Variants in HTR1E observed in about 807,000 individuals in gnomAD.
HTR1E encodes the protein 5-hydroxytryptamine receptor 1E, also known as 5-HT-1E.
In HTR1E, 3 loss-of-function variants were observed where a neutral mutation model predicts 3.4. The observed-to-expected ratio is 0.89, with a 90% confidence interval of 0.41 to 2.31. The LOEUF (loss-of-function observed/expected upper bound fraction) is 2.31, where lower values mean the gene tolerates loss of function less well. Ranked by LOEUF, HTR1E falls within the 30% of genes most tolerant of loss-of-function variation. The pLI is 0.05. For missense variants in HTR1E, 392 were observed against 467.0 expected, an observed-to-expected ratio of 0.84 and a Z score of 1.48; for synonymous variants, 170 against 182.8, an observed-to-expected ratio of 0.93 and a Z score of 0.56.
intron 1 of HTR1E, among the ~76,000 whole-genome samples, chr6:87,011,312 G>A (rs377515660): frequency 6.6e-6 from 1 of 152,230 alleles, no homozygotes. Context: ...ATCTGGAAGT[G>A]TCTAGGAATG....
chr6:87,015,673 C>T lies in HTR1E; in HGVS notation c.339C>T (p.Leu113=). 6.2e-7 allele frequency: 1 copy of T among 1,614,192 alleles called. No homozygotes were observed. Among genetic ancestry groups the T allele is most frequent in the Non-Finnish European group, 8.5e-7 (1 of 1,180,028 alleles). ...MTCCTCSILH[L]CVIALDRYWA... ...GCTGCACCTGCTCCATCCTCCACCTCTGTGTCATTGCCCTGGACAGGTACT... is the reference window on the plus strand; with the variant it reads ...GCTGCACCTGCTCCATCCTCCACCTTTGTGTCATTGCCCTGGACAGGTACT... Residue 113 remains leucine (L), a synonymous_variant, in exon 2 of 2, where the codon CTC becomes CTT. Transcript: ENST00000305344.
intron 1 of HTR1E, among the ~76,000 whole-genome samples, chr6:86,989,664 T>C (rs1211483464): frequency 6.6e-6 from 1 of 152,196 alleles, no homozygotes; most frequent in African/African-American, 2.4e-5. Context: ...ACAATTACCA[T>C]AACACTGACT....
At chr6:86,948,886 G>A (rs541485209) in intron 1 of HTR1E, among the ~76,000 whole-genome samples, 2 of 152,252 alleles carry the variant, frequency 1.3e-5, no homozygotes, top group East Asian at 3.9e-4. Flanking sequence ...CCAACATAAG[G>A]GGAGTGCCTC....
chr6:86,955,862 T>C (rs1371741041), intron 1 of HTR1E, among the ~76,000 whole-genome samples: 1 of 152,078 alleles, frequency 6.6e-6, no homozygotes, highest in Non-Finnish European at 1.5e-5. Context: ...CATCTCAATA[T>C]TGTAAACCAA....
chr6:87,009,887 A>C (rs1369968860), intron 1 of HTR1E, among the ~76,000 whole-genome samples: 1 of 71,712 alleles, frequency 1.4e-5, no homozygotes, highest in Non-Finnish European at 2.6e-5. Flanking sequence ...CGGGGGGCCG[A>C]CCTCCCCACC....
chr6:87,015,814 G>A lies in HTR1E; in HGVS notation c.480G>A (p.Trp160Ter). Residue 160 changes from tryptophan (W) to a stop codon, truncating the protein, a stop_gained, in exon 2 of 2, where the codon TGG (tryptophan) becomes TGA (stop). Coordinates refer to ENST00000305344, the MANE Select transcript of HTR1E (RefSeq NM_000865.3). LOFTEE classifies it low-confidence loss of function (END_TRUNC). ...TCATCTCCATGCCCCCTCTGTTCTG[G>A]AGAAGCCACCGCCGCCTAAGCCCTC... is the stretch of plus-strand genomic sequence containing the variant. ...SIFISMPPLF[W>*]RSHRRLSPPP... 1 of 1,613,464 alleles carries A rather than the reference G, an allele frequency of 6.2e-7. No individual in the cohort carries two copies. The highest frequency in any genetic ancestry group is 8.5e-7 in the Non-Finnish European group (1 of 1,179,682).
At chr6:86,997,627 CTAACA>C (rs1457472039) in intron 1 of HTR1E, among the ~76,000 whole-genome samples, 2 of 151,638 alleles carry the variant, frequency 1.3e-5, no homozygotes, top group Admixed American at 6.6e-5. Flanking sequence ...AGGTGTAAAT[CTAACA>C]TAACATATGC....
chr6:87,005,658 A>G (rs1040462280), intron 1 of HTR1E, among the ~76,000 whole-genome samples: 1 of 152,168 alleles, frequency 6.6e-6, no homozygotes, highest in African/African-American at 2.4e-5. Context: ...CATTGGGGAA[A>G]CTCTCCAAGA....
At chr6:87,009,342 G>A (rs1220266860) in intron 1 of HTR1E, among the ~76,000 whole-genome samples, 3 of 151,448 alleles carry the variant, frequency 2.0e-5, no homozygotes, top group Non-Finnish European at 4.4e-5. Flanking sequence ...ACCCTGAGTG[G>A]ACACAGCACA....
At chr6:86,991,028 G>C (rs1025920511) in intron 1 of HTR1E, among the ~76,000 whole-genome samples, 8 of 152,142 alleles carry the variant, frequency 5.3e-5, no homozygotes, top group Non-Finnish European at 1.2e-4. Context: ...CTAATGAGAA[G>C]GGCTTGACTT....
In HTR1E at chr6:87,016,110, T is replaced by A; in HGVS notation, c.776T>A (p.Phe259Tyr). ...GACCCTACCACAGAGTTTGAAAAGT[T>A]CCATGCCTCCATCAGGATCCCCCCC... is the stretch of plus-strand genomic sequence containing the variant. ...TSDPTTEFEK[F>Y]HASIRIPPFD... Residue 259 changes from phenylalanine (F) to tyrosine (Y), a missense_variant, in exon 2 of 2, where the codon TTC (phenylalanine) becomes TAC (tyrosine). Physicochemically the swap from Phe to Tyr is conservative, Grantham distance 22. Coordinates refer to ENST00000305344, the MANE Select transcript of HTR1E (RefSeq NM_000865.3). 6.2e-7 allele frequency: 1 copy of A among 1,614,116 alleles called. No individual in the cohort carries two copies. The highest frequency in any genetic ancestry group is 8.5e-7 in the Non-Finnish European group (1 of 1,180,026).
intron 1 of HTR1E, among the ~76,000 whole-genome samples, chr6:86,997,665 CA>C (rs1412167426): frequency 2.0e-5 from 3 of 151,488 alleles, no homozygotes; most frequent in Non-Finnish European, 4.4e-5. Context: ...CTAAAAATTA[CA>C]AAATGCTAAT....
intron 1 of HTR1E, among the ~76,000 whole-genome samples, chr6:86,992,581 G>A (rs937861640): frequency 2.0e-5 from 3 of 152,096 alleles, no homozygotes; most frequent in Non-Finnish European, 4.4e-5. Context: ...ACGCAAACAC[G>A]AGTAAATACT....
At chr6:86,976,435 A>G (rs1767640424) in intron 1 of HTR1E, among the ~76,000 whole-genome samples, 1 of 152,192 alleles carries the variant, frequency 6.6e-6, no homozygotes, top group Non-Finnish European at 1.5e-5. Context: ...TGTCTAAGCA[A>G]GTAATGGAGA....
chr6:86,994,677 A>T (rs1035220063), intron 1 of HTR1E, among the ~76,000 whole-genome samples: 2 of 152,212 alleles, frequency 1.3e-5, no homozygotes, highest in African/African-American at 4.8e-5. Flanking sequence ...TCAGGAAAAA[A>T]GGAAAAAAAC....
In HTR1E at chr6:86,980,049, G is replaced by T. The variant is rs374424501; in HGVS notation, c.-185-35101G>T. 1.8e-3 allele frequency among the ~76,000 whole-genome samples: 270 copies of T among 152,278 alleles called. 12 individuals carry two copies. The South Asian group carries it at 0.051, about 29-fold the overall frequency. On this transcript the variant is annotated intron_variant, in intron 1 of 1. Coordinates refer to ENST00000305344, the MANE Select transcript of HTR1E (RefSeq NM_000865.3). ...CCAAATCCAAACAAGAGCTGAGGGG[G>T]TGGAAGCTGGATTATCTTAGCTGAC...
At chr6:86,958,848 G>A (rs1767361361) in intron 1 of HTR1E, among the ~76,000 whole-genome samples, 1 of 152,116 alleles carries the variant, frequency 6.6e-6, no homozygotes, top group African/African-American at 2.4e-5. Context: ...TGAACAGGAA[G>A]TGTCTACCAA....
chr6:86,966,184 A>G (rs1767469241), intron 1 of HTR1E, among the ~76,000 whole-genome samples: 1 of 152,180 alleles, frequency 6.6e-6, no homozygotes, highest in South Asian at 2.1e-4. Context: ...GTGGGAAATA[A>G]TATTACTAAG....
rs563389505 is a variant in HTR1E, at chr6:86,959,289, A to G, written c.-186+21466A>G. Reference sequence around the variant, plus strand: ...TAAAAAAAGAAAAAAAGAAGAAGAAAAAACACTCAGCTGAGCACTGTGACT... The same window carrying G: ...TAAAAAAAGAAAAAAAGAAGAAGAAGAAACACTCAGCTGAGCACTGTGACT... On this transcript the variant is annotated intron_variant, in intron 1 of 1. Transcript: ENST00000305344. 9.5e-4 allele frequency among the ~76,000 whole-genome samples: 144 copies of G among 152,220 alleles called. 2 individuals are homozygous for G. The highest frequency in any genetic ancestry group is 3.3e-3 in the African/African-American group (137 of 41,532).
Sources: gnomAD v4.1 joint callset for allele counts (sites outside exome capture counted in the v4.1 genomes callset) on GRCh38, gnomAD v4.1.1 for gene constraint, MANE v1.5 for transcripts, NCBI Gene and HGNC (gene_info 2026-07-23, HGNC 2026-07-21) for gene names.